The following LAMA2 variants were observed in gnomAD, a reference collection of about 807,000 sequenced individuals.
The protein encoded by LAMA2 is laminin subunit alpha 2.
In LAMA2, 269 loss-of-function variants were observed where a neutral mutation model predicts 364.8. That is an observed-to-expected ratio of 0.74 (90% CI 0.67 to 0.82). The LOEUF is 0.82. Ranked by LOEUF, LAMA2 falls within the 40% of genes least tolerant of loss-of-function variation. LAMA2 has a pLI of 0.00. For missense variants in LAMA2, 3,807 were observed against 3,873.2 expected (o/e 0.98, Z 0.45); for synonymous variants, 1,379 against 1,370.6 (o/e 1.01, Z -0.14).
intron 4 of LAMA2, among the ~76,000 whole-genome samples, chr6:129,136,578 A>G (rs1353428763): frequency 6.6e-6 from 1 of 151,928 alleles, no homozygotes; most frequent in Admixed American, 6.6e-5. Flanking sequence ...AAAAAAAAAA[A>G]GCTGCACAAA....
At chr6:129,308,150 A>G (rs2088638304) in intron 22 of LAMA2, among the ~76,000 whole-genome samples, 1 of 152,216 alleles carries the variant, frequency 6.6e-6, no homozygotes, top group Non-Finnish European at 1.5e-5. Context: ...CAGGACATTC[A>G]TTTTTCTATT....
Position 129,255,405 on chromosome 6 carries a change from C to CAAAAA in LAMA2, c.2096+3136_2096+3140dup, listed in dbSNP as rs5879934. Among the ~76,000 whole-genome samples, 29 of 33,826 alleles carry CAAAAA rather than the reference C, an allele frequency of 8.6e-4. 1 individual carries two copies. The highest frequency in any genetic ancestry group is 1.8e-3 in the African/African-American group (18 of 9,852). 22.2% of individuals were successfully genotyped at this position (33,826 alleles called of 152,430 possible). A position where few individuals can be genotyped will look rare whatever the true frequency, so the allele number is the denominator to read the frequency against. On this transcript the variant is annotated intron_variant, in intron 14 of 64. Coordinates refer to ENST00000421865, the MANE Select transcript of LAMA2 (RefSeq NM_000426.4). ...TGGGTGACAGAGGGAGACTCTGTCT[C>CAAAAA]AAAAAAAAAAAAAAAAAAAAAAAAA...
intron 1 of LAMA2, among the ~76,000 whole-genome samples, chr6:128,924,669 GC>G (rs1778975010): frequency 6.6e-6 from 1 of 152,116 alleles, no homozygotes; most frequent in Non-Finnish European, 1.5e-5. Flanking sequence ...TAGCTAGGGT[GC>G]CCCCCGTCTT....
intron 15 of LAMA2, among the ~76,000 whole-genome samples, chr6:129,262,631 T>G (rs901854808): frequency 1.3e-4 from 20 of 152,306 alleles, no homozygotes; most frequent in African/African-American, 4.8e-4. Flanking sequence ...TCTCTCTGAC[T>G]TCTTCATTTC....
chr6:129,062,393 G>A (rs1582968056), intron 3 of LAMA2, among the ~76,000 whole-genome samples: 2 of 151,944 alleles, frequency 1.3e-5, no homozygotes, highest in Admixed American at 6.6e-5. Context: ...TTTTCTAATG[G>A]GTATCTGAAG....
At position 129,486,567 on chromosome 6, in the gene LAMA2, C is replaced by A; in HGVS notation, c.7843C>A (p.Pro2615Thr). The A allele has an allele frequency of 6.2e-7, 1 of 1,613,870 alleles. No individual in the cohort carries two copies. Among genetic ancestry groups the A allele is most frequent in the Non-Finnish European group, 8.5e-7 (1 of 1,179,870 alleles). The change falls in exon 56 of 65, where the codon CCG becomes ACG. Residue 2615 changes from proline (P) to threonine (T), a missense_variant. By Grantham distance (38) the Pro-to-Thr change is conservative. Around this residue, in one of 3 missense-constraint regions of LAMA2, gnomAD observed 3,333 missense variants for 3,345.7 expected, o/e 1.00. Coordinates refer to ENST00000421865, the MANE Select transcript of LAMA2 (RefSeq NM_000426.4). ...TMRKIVIRPE[P>T]NLFHDGREHS... Reference sequence around the variant, plus strand: ...GAGGAAAATTGTGATCAGACCAGAGCCGAATCTGTTTCATGATGGAAGAGA... The same window carrying A: ...GAGGAAAATTGTGATCAGACCAGAGACGAATCTGTTTCATGATGGAAGAGA...
chr6:129,288,838 T>C (rs900647831), intron 19 of LAMA2, among the ~76,000 whole-genome samples: 1 of 152,200 alleles, frequency 6.6e-6, no homozygotes, highest in Admixed American at 6.5e-5. Flanking sequence ...TTGGCCATCA[T>C]CAGCTTCATT....
At chr6:129,179,588 C>G (rs1780811144) in intron 10 of LAMA2, among the ~76,000 whole-genome samples, 1 of 152,058 alleles carries the variant, frequency 6.6e-6, no homozygotes, top group Non-Finnish European at 1.5e-5. Context: ...TTATTATAAT[C>G]CTAATAAGAA....
chr6:129,007,728 C>A (rs531929277), intron 1 of LAMA2, among the ~76,000 whole-genome samples: 1 of 152,216 alleles, frequency 6.6e-6, no homozygotes, highest in African/African-American at 2.4e-5. Flanking sequence ...ATATCAAAAT[C>A]CTTCTTACTC....
At chr6:129,054,528 C>T (rs12202008) in intron 2 of LAMA2, among the ~76,000 whole-genome samples, 44,545 of 151,370 alleles carry the variant, frequency 0.29, 7,092 homozygotes, top group African/African-American at 0.42. Context: ...AGTGTGTAGA[C>T]GTGTATTTAG....
At chr6:129,427,019 G>A (rs375049018) in intron 40 of LAMA2, among the ~76,000 whole-genome samples, 1 of 152,288 alleles carries the variant, frequency 6.6e-6, no homozygotes, top group East Asian at 1.9e-4. Context: ...ATTATGTAAT[G>A]ATTGCTGAGG....
chr6:128,992,305 T>C (rs1783659255), intron 1 of LAMA2, among the ~76,000 whole-genome samples: 1 of 152,220 alleles, frequency 6.6e-6, no homozygotes, highest in African/African-American at 2.4e-5. Flanking sequence ...AAACCTTATT[T>C]CATAGCAGGA....
intron 1 of LAMA2, among the ~76,000 whole-genome samples, chr6:128,939,848 G>T (rs570626737): frequency 6.6e-6 from 1 of 152,214 alleles, no homozygotes; most frequent in East Asian, 1.9e-4. Flanking sequence ...TGCCTTTCCT[G>T]GTTCTCCCTG....
intron 45 of LAMA2, 82 bp downstream of exon 45, chr6:129,445,903 C>A: frequency 7.3e-7 from 1 of 1,369,026 alleles, no homozygotes; most frequent in Non-Finnish European, 1.0e-6. Context: ...CCCCAGGATT[C>A]CCCGTTGAAT....
chr6:129,293,303 A>G (rs532850377), intron 20 of LAMA2, among the ~76,000 whole-genome samples: 83 of 152,366 alleles, frequency 5.4e-4, no homozygotes, highest in African/African-American at 1.9e-3. Context: ...CAAACTTTCA[A>G]TTAACCATGA....
Position 129,192,817 on chromosome 6 carries a change from C to A in LAMA2, c.1746C>A (p.Tyr582Ter). 6.2e-7 allele frequency: 1 copy of A among 1,614,162 alleles called. No individual in the cohort carries two copies. Among genetic ancestry groups the A allele is most frequent in the Non-Finnish European group, 8.5e-7 (1 of 1,180,018 alleles). Residue 582 changes from tyrosine (Y) to a stop codon, truncating the protein, a stop_gained, in exon 12 of 65, where the codon TAC (tyrosine) becomes TAA (stop). Coordinates refer to ENST00000421865, the MANE Select transcript of LAMA2 (RefSeq NM_000426.4). LOFTEE classifies it high-confidence loss of function. The part of the protein sequence containing the change: ...AEARQALPHS[Y>*]YWSAPAPYLG... ...CCCGGCAAGCCCTGCCGCACAGCTA[C>A]TACTGGAGCGCGCCGGCTCCCTATC...
intron 1 of LAMA2, among the ~76,000 whole-genome samples, chr6:128,898,594 A>G (rs1429153268): frequency 2.0e-5 from 3 of 152,110 alleles, no homozygotes; most frequent in Non-Finnish European, 4.4e-5. Flanking sequence ...TTTTTTGCCT[A>G]TGCAACTTCA....
intron 20 of LAMA2, chr6:129,293,192 T>A: frequency 1.9e-6 from 1 of 532,552 alleles, no homozygotes; most frequent in Non-Finnish European, 2.4e-6. Context: ...AATGCAAAGA[T>A]TAGACAATTC....
At chr6:129,362,866 G>A (rs1777545006) in intron 32 of LAMA2, among the ~76,000 whole-genome samples, 2 of 152,092 alleles carry the variant, frequency 1.3e-5, no homozygotes, top group South Asian at 2.1e-4. Context: ...GGAACCAGGT[G>A]GGAGAAGACC....
Sources: allele counts gnomAD v4.1 joint callset (sites outside exome capture counted in the v4.1 genomes callset), GRCh38; gene constraint gnomAD v4.1.1; regional missense constraint gnomAD v4.1.1; transcripts MANE v1.5; gene names NCBI Gene and HGNC (gene_info 2026-07-23, HGNC 2026-07-21).